Variants in SPATA17 observed in about 807,000 individuals in gnomAD.
The protein encoded by SPATA17 is spermatogenesis-associated protein 17.
A neutral mutation model predicts 62.2 loss-of-function variants in SPATA17; 53 were observed. The observed-to-expected ratio is 0.85, with a 90% confidence interval of 0.68 to 1.07. The LOEUF is 1.07. Ranked by LOEUF, SPATA17 falls within the 50% of genes least tolerant of loss-of-function variation. The pLI, the probability that SPATA17 is intolerant of heterozygous loss-of-function variation, is 0.00. For synonymous variants in SPATA17, 146 were observed against 146.8 expected (o/e 0.99, Z 0.04); for missense variants, 466 against 425.5 (o/e 1.10, Z -0.84).
intron 5 of SPATA17, among the ~76,000 whole-genome samples, chr1:217,731,239 C>A (rs1297762942): frequency 6.6e-6 from 1 of 152,084 alleles, no homozygotes; most frequent in Non-Finnish European, 1.5e-5. Flanking sequence ...ACTTTCACTT[C>A]TGTGACTTCT....
intron 5 of SPATA17, among the ~76,000 whole-genome samples, chr1:217,710,666 T>A (rs1671837778): frequency 6.6e-6 from 1 of 152,204 alleles, no homozygotes; most frequent in African/African-American, 2.4e-5. Context: ...TTGTTTTTAT[T>A]ATAACAGCTT....
chr1:217,823,051 T>A (rs150754673), intron 9 of SPATA17, among the ~76,000 whole-genome samples: 36 of 152,118 alleles, frequency 2.4e-4, no homozygotes, highest in African/African-American at 7.9e-4. Flanking sequence ...TGTCTTAAAA[T>A]GTTTGTGAGT....
At chr1:217,686,017 G>T (rs1368635272) in intron 5 of SPATA17, among the ~76,000 whole-genome samples, 1 of 152,050 alleles carries the variant, frequency 6.6e-6, no homozygotes, top group East Asian at 1.9e-4. Flanking sequence ...ATGTATGGGA[G>T]GAAACATATT....
At chr1:217,716,421 C>A (rs1672005200) in intron 5 of SPATA17, among the ~76,000 whole-genome samples, 3 of 152,104 alleles carry the variant, frequency 2.0e-5, no homozygotes, top group Admixed American at 1.3e-4. Flanking sequence ...ATCGACTCTT[C>A]AGAATTTTCA....
chr1:217,701,719 A>T (rs140728700), intron 5 of SPATA17, among the ~76,000 whole-genome samples: 5 of 151,986 alleles, frequency 3.3e-5, no homozygotes, highest in African/African-American at 1.2e-4. Flanking sequence ...TATTTCTTAG[A>T]TTTGCCTGGT....
intron 1 of SPATA17, among the ~76,000 whole-genome samples, chr1:217,638,564 C>T (rs1285273446): frequency 6.6e-6 from 1 of 152,058 alleles, no homozygotes; most frequent in Non-Finnish European, 1.5e-5. Flanking sequence ...GCCCAAGTAA[C>T]CTGAGCAGAA....
At chr1:217,693,458 A>AT (rs1461298133) in intron 5 of SPATA17, among the ~76,000 whole-genome samples, 1 of 135,432 alleles carries the variant, frequency 7.4e-6, no homozygotes, top group South Asian at 2.7e-4. Flanking sequence ...GGATTCATTG[A>AT]TTTTTTGAAG....
chr1:217,784,460 A>G lies in SPATA17; in HGVS notation c.872+2138A>G, dbSNP rs536776150. Among the ~76,000 whole-genome samples the G allele has an allele frequency of 4.6e-5, 7 of 152,264 alleles. No individual in the cohort carries two copies. In the South Asian group the frequency reaches 1.0e-3, roughly 23 times the overall value. On this transcript the variant is annotated intron_variant, in intron 8 of 10. Coordinates refer to ENST00000366933, the MANE Select transcript of SPATA17 (RefSeq NM_138796.4). ...GAAAATTGCAGTGTGTTATAGTAGAAGTAGTATGAACTTTGAAACTAGAGC... is the reference window on the plus strand; with the variant it reads ...GAAAATTGCAGTGTGTTATAGTAGAGGTAGTATGAACTTTGAAACTAGAGC...
intron 7 of SPATA17, among the ~76,000 whole-genome samples, chr1:217,780,989 G>A (rs757510485): frequency 4.0e-5 from 6 of 151,850 alleles, no homozygotes; most frequent in Non-Finnish European, 8.8e-5. Context: ...TCTTAATAGT[G>A]GACTTGGAAT....
At chr1:217,838,389 T>C (rs951240925) in intron 9 of SPATA17, among the ~76,000 whole-genome samples, 2 of 152,092 alleles carry the variant, frequency 1.3e-5, no homozygotes, top group African/African-American at 4.8e-5. Context: ...ATACCACCAG[T>C]TTCTTCAGCT....
At chr1:217,718,245 T>G (rs1369988575) in intron 5 of SPATA17, among the ~76,000 whole-genome samples, 1 of 152,176 alleles carries the variant, frequency 6.6e-6, no homozygotes, top group East Asian at 1.9e-4. Flanking sequence ...CATGTGCCTA[T>G]CTAAAAGAAT....
intron 5 of SPATA17, among the ~76,000 whole-genome samples, chr1:217,734,199 C>G (rs1672458356): frequency 6.6e-6 from 1 of 152,072 alleles, no homozygotes; most frequent in South Asian, 2.1e-4. Context: ...GTATTTTAGA[C>G]TTAGCATTCT....
chr1:217,696,792 G>A (rs1319423407), intron 5 of SPATA17, among the ~76,000 whole-genome samples: 1 of 152,078 alleles, frequency 6.6e-6, no homozygotes, highest in East Asian at 1.9e-4. Context: ...TTCCTCTAGA[G>A]AGTAGTCATG....
intron 8 of SPATA17, among the ~76,000 whole-genome samples, chr1:217,786,361 C>T (rs2102979285): frequency 6.6e-6 from 1 of 152,134 alleles, no homozygotes; most frequent in African/African-American, 2.4e-5. Context: ...GAGTTGGATC[C>T]TGCAAAAGAT....
intron 9 of SPATA17, among the ~76,000 whole-genome samples, chr1:217,829,758 T>C (rs968342194): frequency 2.0e-5 from 3 of 150,350 alleles, no homozygotes; most frequent in African/African-American, 7.4e-5. Context: ...GGGGAGGGGA[T>C]TGGGGTGGCG....
intron 5 of SPATA17, among the ~76,000 whole-genome samples, chr1:217,690,982 T>G (rs1290103737): frequency 1.4e-5 from 2 of 147,210 alleles, no homozygotes; most frequent in African/African-American, 5.1e-5. Context: ...CAGCATGATT[T>G]ATAGTCCTTT....
At chr1:217,631,493 T>A (rs758107508) in intron 1 of SPATA17, 47 bp downstream of exon 1, 9 of 1,592,330 alleles carry the variant, frequency 5.7e-6, no homozygotes, top group Non-Finnish European at 7.8e-6. Flanking sequence ...CGTGACTTTA[T>A]ACCAGTTGTT....
intron 5 of SPATA17, among the ~76,000 whole-genome samples, chr1:217,706,954 C>T (rs1671751545): frequency 6.6e-6 from 1 of 151,916 alleles, no homozygotes; most frequent in Non-Finnish European, 1.5e-5. Flanking sequence ...GCAAACTCCG[C>T]CTCCCGGGTT....
At chr1:217,673,296 C>T (rs1252026499) in intron 4 of SPATA17, among the ~76,000 whole-genome samples, 2 of 152,132 alleles carry the variant, frequency 1.3e-5, no homozygotes, top group African/African-American at 4.8e-5. Context: ...TCAGAACCCA[C>T]AGTATGCCTT....
Sources: gnomAD v4.1 joint callset for allele counts (sites outside exome capture counted in the v4.1 genomes callset) on GRCh38, gnomAD v4.1.1 for gene constraint, MANE v1.5 for transcripts, NCBI Gene and HGNC (gene_info 2026-07-23, HGNC 2026-07-21) for gene names.